The following DCBLD1 variants were observed in gnomAD, a reference collection of about 807,000 sequenced individuals.
DCBLD1 encodes the protein discoidin, CUB and LCCL domain containing 1.
DCBLD1 carries 57 observed loss-of-function variants against 71.5 expected under a neutral mutation model. The ratio of observed to expected loss-of-function variants is 0.80; its 90% CI spans 0.64 to 0.99. DCBLD1 has a LOEUF of 0.99. Ranked by LOEUF, DCBLD1 falls within the 50% of genes least tolerant of loss-of-function variation. The probability of loss-of-function intolerance (pLI) is 0.00; values close to 1 mark genes in which losing one functional copy is unlikely to be tolerated. For synonymous variants in DCBLD1, 380 were observed against 363.8 expected (o/e 1.04, Z -0.51); for missense variants, 891 against 923.5 (o/e 0.96, Z 0.46).
Position 117,558,723 on chromosome 6 carries a change from T to G in DCBLD1, c.1616-10897T>G, listed in dbSNP as rs956831494. 2.0e-5 allele frequency among the ~76,000 whole-genome samples: 3 copies of G among 152,162 alleles called. No homozygotes were observed. The South Asian group carries it at 6.2e-4, about 32-fold the overall frequency. ...CAATAATGTGTAACAATACATCAAGTGTTGTCCACCTAGGAAGCTTGCCTG... is the reference window on the plus strand; with the variant it reads ...CAATAATGTGTAACAATACATCAAGGGTTGTCCACCTAGGAAGCTTGCCTG... On this transcript the variant is annotated intron_variant, in intron 14 of 14. Transcript: ENST00000296955.
chr6:117,492,481 A>G (rs930621560), intron 1 of DCBLD1, among the ~76,000 whole-genome samples: 1 of 152,170 alleles, frequency 6.6e-6, no homozygotes, highest in Non-Finnish European at 1.5e-5. Flanking sequence ...TCCAGGGGAG[A>G]AAAAGTTAGA....
chr6:117,564,509 C>T (rs1779653506), intron 14 of DCBLD1, among the ~76,000 whole-genome samples: 2 of 151,934 alleles, frequency 1.3e-5, no homozygotes, highest in African/African-American at 4.8e-5. Context: ...AAATAATAGG[C>T]TTATAAATAA....
chr6:117,482,921 G>A, intron 1 of DCBLD1, 28 bp downstream of exon 1: 2 of 1,176,822 alleles, frequency 1.7e-6, no homozygotes, highest in Non-Finnish European at 2.1e-6. Context: ...GGCTGGCGGC[G>A]GGACCCGAGG....
chr6:117,483,788 G>A (rs1174915488), intron 1 of DCBLD1, among the ~76,000 whole-genome samples: 1 of 151,614 alleles, frequency 6.6e-6, no homozygotes, highest in Non-Finnish European at 1.5e-5. Flanking sequence ...GTATATGCCT[G>A]AGCTTATTTA....
intron 14 of DCBLD1, among the ~76,000 whole-genome samples, chr6:117,546,880 C>T (rs892141767): frequency 3.3e-5 from 5 of 152,174 alleles, no homozygotes; most frequent in African/African-American, 9.7e-5. Flanking sequence ...CAACCACAAT[C>T]GAATCCATTG....
Position 117,548,862 on chromosome 6 carries a change from T to A in DCBLD1, c.*423T>A. 9.8e-6 allele frequency: 10 copies of A among 1,021,692 alleles called. No homozygotes were observed. Among genetic ancestry groups the A allele is most frequent in the Non-Finnish European group, 1.1e-5 (9 of 852,314 alleles). 63.3% of individuals were successfully genotyped at this position (1,021,692 alleles called of 1,614,324 possible). A position where few individuals can be genotyped will look rare whatever the true frequency, so the allele number is the denominator to read the frequency against. ...GCTGTTGCAAAATGTATATAAATAG[T>A]ATGTTCATTTTTTTCAGTATATTAT... On this transcript the variant is annotated 3_prime_UTR_variant, in exon 15 of 15. Coordinates refer to ENST00000338728, the MANE Select transcript of DCBLD1 (RefSeq NM_001366458.2).
At chr6:117,525,595 G>T (rs1377766053) in intron 5 of DCBLD1, among the ~76,000 whole-genome samples, 161 bp downstream of exon 5, 1 of 146,394 alleles carries the variant, frequency 6.8e-6, no homozygotes, top group Non-Finnish European at 1.5e-5. Flanking sequence ...AAAAACCAAG[G>T]TTACCCATGC....
At chr6:117,499,844 C>T (rs1562433377) in intron 1 of DCBLD1, among the ~76,000 whole-genome samples, 2 of 152,128 alleles carry the variant, frequency 1.3e-5, no homozygotes, top group Non-Finnish European at 2.9e-5. Context: ...TAATGCTTCT[C>T]CTCATCTCTA....
intron 2 of DCBLD1, among the ~76,000 whole-genome samples, chr6:117,509,377 A>G (rs1482270136): frequency 6.6e-6 from 1 of 152,186 alleles, no homozygotes; most frequent in Non-Finnish European, 1.5e-5. Flanking sequence ...GGCTACAGTG[A>G]GCCATGTCGT....
Position 117,543,229 on chromosome 6 carries a change from G to A in DCBLD1, c.1445+18G>A. Reference sequence around the variant, plus strand: ...TTTAGAAAGTATGGTGACTTTACATGTTTAAATTTCTTCTCTAATTATGCG... The same window carrying A: ...TTTAGAAAGTATGGTGACTTTACATATTTAAATTTCTTCTCTAATTATGCG... On this transcript the variant is annotated intron_variant, in intron 12 of 14. Transcript: ENST00000338728. 6.2e-7 allele frequency: 1 copy of A among 1,609,970 alleles called. No homozygotes were observed. Among genetic ancestry groups the A allele is most frequent in the Non-Finnish European group, 8.5e-7 (1 of 1,176,496 alleles).
At chr6:117,552,570 G>A (rs1162520561), downstream of DCBLD1, among the ~76,000 whole-genome samples, 1 of 151,804 alleles carries the variant, frequency 6.6e-6, no homozygotes, top group Non-Finnish European at 1.5e-5. Context: ...TTTTTGCTGT[G>A]ACACCTAATA....
At chr6:117,532,461 C>T in intron 6 of DCBLD1, 68 bp downstream of exon 6, 1 of 1,470,510 alleles carries the variant, frequency 6.8e-7, no homozygotes. Flanking sequence ...TTAACCAGCT[C>T]ACAACTTTGA....
At chr6:117,553,721 AG>A (rs1234034881), downstream of DCBLD1, among the ~76,000 whole-genome samples, 2 of 152,190 alleles carry the variant, frequency 1.3e-5, no homozygotes, top group African/African-American at 4.8e-5. Flanking sequence ...GGGATTTTAA[AG>A]GGTGCTCACA....
intron 13 of DCBLD1, among the ~76,000 whole-genome samples, chr6:117,545,225 A>G (rs1314173095): frequency 6.6e-6 from 1 of 152,030 alleles, no homozygotes; most frequent in Non-Finnish European, 1.5e-5. Context: ...ATGATCTCAC[A>G]AAGGGAGAAT....
At chr6:117,530,957 AT>A (rs888689898) in intron 5 of DCBLD1, among the ~76,000 whole-genome samples, 10 of 151,734 alleles carry the variant, frequency 6.6e-5, no homozygotes, top group African/African-American at 2.4e-4. Context: ...CAGTATTCTC[AT>A]TTTTTTTCTT....
chr6:117,522,589 G>A (rs766143940), intron 4 of DCBLD1, among the ~76,000 whole-genome samples: 25 of 152,116 alleles, frequency 1.6e-4, no homozygotes, highest in Non-Finnish European at 3.4e-4. Flanking sequence ...CGACAGGTGT[G>A]CACCATCATA....
At chr6:117,547,401 G>A (rs35633153) in intron 14 of DCBLD1, among the ~76,000 whole-genome samples, 3,295 of 152,176 alleles carry the variant, frequency 0.022, 43 homozygotes, top group Middle Eastern at 0.075. Flanking sequence ...TTGGAATAGC[G>A]CCTGGCAAAG....
At chr6:117,504,819 T>C (rs970406360) in intron 2 of DCBLD1, among the ~76,000 whole-genome samples, 1 of 152,258 alleles carries the variant, frequency 6.6e-6, no homozygotes, top group Non-Finnish European at 1.5e-5. Flanking sequence ...ATACATTCTT[T>C]TGAGTATAGA....
In DCBLD1 at chr6:117,537,277, A is replaced by G. The variant is rs368712161; in HGVS notation, c.760+52A>G. On this transcript the variant is annotated intron_variant, in intron 7 of 14. Coordinates refer to ENST00000338728, the MANE Select transcript of DCBLD1 (RefSeq NM_001366458.2). ...TTGATATTTTCGGTGGCTCACGCCTATAATCCCAGCACTTTGGGAGGCCGA... is the reference window on the plus strand; with the variant it reads ...TTGATATTTTCGGTGGCTCACGCCTGTAATCCCAGCACTTTGGGAGGCCGA... 8.5e-4 allele frequency: 1,337 copies of G among 1,575,588 alleles called. 3 individuals are homozygous for G. The highest frequency in any genetic ancestry group is 1.0e-3 in the Admixed American group (61 of 59,844).
Sources: allele counts gnomAD v4.1 joint callset (sites outside exome capture counted in the v4.1 genomes callset), GRCh38; gene constraint gnomAD v4.1.1; transcripts MANE v1.5; gene names NCBI Gene and HGNC (gene_info 2026-07-23, HGNC 2026-07-21).